The following CNTN4 variants were observed in gnomAD, a reference collection of about 807,000 sequenced individuals.
The protein encoded by CNTN4 is contactin 4.
CNTN4 carries 77 observed loss-of-function variants against 122.5 expected under a neutral mutation model. The observed-to-expected ratio is 0.63, with a 90% CI of 0.52 to 0.76. The LOEUF (loss-of-function observed/expected upper bound fraction) is 0.76. Ranked by LOEUF, CNTN4 falls within the 30% of genes least tolerant of loss-of-function variation. The pLI is 0.00. For synonymous variants in CNTN4, 512 were observed against 447.0 expected, an observed-to-expected ratio of 1.15 and a Z score of -1.83; for missense variants, 1,256 against 1,259.1, an observed-to-expected ratio of 1.00 and a Z score of 0.04.
chr3:2,208,350 T>G (rs1431238818), intron 2 of CNTN4, among the ~76,000 whole-genome samples: 1 of 152,112 alleles, frequency 6.6e-6, no homozygotes, highest in African/African-American at 2.4e-5. Flanking sequence ...GCTAATGTGG[T>G]TGAAAGAGCA....
intron 3 of CNTN4, among the ~76,000 whole-genome samples, chr3:2,480,895 CAGACAAAT>C (rs1336172990): frequency 6.6e-6 from 1 of 152,124 alleles, no homozygotes; most frequent in African/African-American, 2.4e-5. Flanking sequence ...GTTGAAAGAA[CAGACAAAT>C]AGATCAGAAC....
chr3:2,249,821 AAAAC>A (rs1298424969), intron 2 of CNTN4, among the ~76,000 whole-genome samples: 3 of 151,928 alleles, frequency 2.0e-5, no homozygotes, highest in Non-Finnish European at 4.4e-5. Flanking sequence ...CCTTTTCTTT[AAAAC>A]AAACAAGGAA....
intron 24 of CNTN4, 39 bp from the exon 25 acceptor site, chr3:3,056,081 G>T: frequency 6.5e-7 from 1 of 1,528,742 alleles, no homozygotes; most frequent in Non-Finnish European, 9.1e-7. Context: ...TTGAAGCCGG[G>T]ATGGGGCTGT....
At chr3:2,815,484 G>A (rs954446581) in intron 6 of CNTN4, among the ~76,000 whole-genome samples, 7 of 152,046 alleles carry the variant, frequency 4.6e-5, no homozygotes, top group African/African-American at 1.7e-4. Flanking sequence ...AAAAAACATA[G>A]GAAAAATGCT....
intron 3 of CNTN4, among the ~76,000 whole-genome samples, chr3:2,541,146 C>T (rs982508184): frequency 9.9e-5 from 15 of 152,010 alleles, no homozygotes; most frequent in Admixed American, 9.8e-4. Context: ...TTGTTTGCAC[C>T]CTTAAACTCA....
At chr3:2,490,832 G>A (rs998418152) in intron 3 of CNTN4, among the ~76,000 whole-genome samples, 3 of 152,062 alleles carry the variant, frequency 2.0e-5, no homozygotes, top group Admixed American at 2.0e-4. Flanking sequence ...CTTGCTGGAT[G>A]AAATGAGAAA....
intron 12 of CNTN4, among the ~76,000 whole-genome samples, chr3:2,906,559 C>T (rs921286250): frequency 2.6e-5 from 4 of 151,894 alleles, no homozygotes; most frequent in African/African-American, 4.8e-5. Context: ...AGATGGTGGC[C>T]GGGCACGGTG....
intron 14 of CNTN4, among the ~76,000 whole-genome samples, chr3:3,003,556 CAG>C (rs2125418828): frequency 6.6e-6 from 1 of 151,748 alleles, no homozygotes; most frequent in South Asian, 2.1e-4. Flanking sequence ...TTTATAGAAA[CAG>C]AAAGTAGATT....
intron 6 of CNTN4, among the ~76,000 whole-genome samples, chr3:2,755,285 CT>C (rs2090282831): frequency 1.3e-5 from 2 of 152,208 alleles, no homozygotes; most frequent in East Asian, 1.9e-4. Context: ...AACAGGCAAA[CT>C]TTTTTTCTGA....
chr3:2,734,198 C>G (rs1035315834), intron 4 of CNTN4, among the ~76,000 whole-genome samples: 1 of 151,956 alleles, frequency 6.6e-6, no homozygotes, highest in Non-Finnish European at 1.5e-5. Flanking sequence ...GTAGCTGGGA[C>G]TAGAGGCGCA....
chr3:2,315,184 A>AT (rs2043052011), intron 2 of CNTN4, among the ~76,000 whole-genome samples: 1 of 151,280 alleles, frequency 6.6e-6, no homozygotes, highest in African/African-American at 2.4e-5. Flanking sequence ...AAGTTAGTCA[A>AT]TATCATTGAG....
At chr3:2,646,777 C>G (rs2083142510) in intron 4 of CNTN4, among the ~76,000 whole-genome samples, 2 of 152,150 alleles carry the variant, frequency 1.3e-5, no homozygotes, top group African/African-American at 2.4e-5. Context: ...AGATGATCAC[C>G]TTCTCCCTGT....
chr3:2,355,662 A>T (rs1276788118), intron 3 of CNTN4, among the ~76,000 whole-genome samples: 1 of 152,092 alleles, frequency 6.6e-6, no homozygotes, highest in Non-Finnish European at 1.5e-5. Context: ...TTTCTACCTT[A>T]GTATGTATTC....
intron 4 of CNTN4, among the ~76,000 whole-genome samples, chr3:2,578,531 C>G (rs1276992004): frequency 6.6e-6 from 1 of 152,152 alleles, no homozygotes; most frequent in Admixed American, 6.5e-5. Flanking sequence ...TAAACAGAGA[C>G]ACAGGCAACA....
intron 2 of CNTN4, among the ~76,000 whole-genome samples, chr3:2,327,619 T>C (rs1456848991): frequency 6.6e-6 from 1 of 152,166 alleles, no homozygotes; most frequent in East Asian, 1.9e-4. Context: ...AAGAAAACCA[T>C]AATGCAGATC....
intron 3 of CNTN4, among the ~76,000 whole-genome samples, chr3:2,428,432 C>T (rs1025376380): frequency 2.4e-4 from 36 of 152,284 alleles, no homozygotes; most frequent in African/African-American, 7.5e-4. Context: ...GAGTTTCTGC[C>T]GAGAGATCAG....
intron 2 of CNTN4, among the ~76,000 whole-genome samples, chr3:2,159,477 C>T (rs2035865687): frequency 6.6e-6 from 1 of 152,106 alleles, no homozygotes; most frequent in Non-Finnish European, 1.5e-5. Context: ...AAAAGAATTG[C>T]AGGGGTCTCT....
intron 6 of CNTN4, among the ~76,000 whole-genome samples, chr3:2,776,947 C>T (rs1010443318): frequency 6.6e-6 from 1 of 152,002 alleles, no homozygotes; most frequent in Non-Finnish European, 1.5e-5. Flanking sequence ...AATTTGTATT[C>T]CAGGAGAGAC....
At chr3:2,126,146 G>A (rs1040375920) in intron 2 of CNTN4, among the ~76,000 whole-genome samples, 1 of 151,990 alleles carries the variant, frequency 6.6e-6, no homozygotes, top group Non-Finnish European at 1.5e-5. Context: ...AATGTCCTCC[G>A]GGGAACATAG....
Sources: gnomAD v4.1 joint callset for allele counts (sites outside exome capture counted in the v4.1 genomes callset) on GRCh38, gnomAD v4.1.1 for gene constraint, MANE v1.5 for transcripts, NCBI Gene and HGNC (gene_info 2026-07-23, HGNC 2026-07-21) for gene names.